ANO1: variants seen among roughly 807,000 people sequenced by gnomAD.
ANO1 encodes the protein anoctamin 1, also known as anoctamin-1.
Under a neutral mutation model 124.0 loss-of-function variants are expected in ANO1, and 59 were observed. That is an observed-to-expected ratio of 0.48 (90% CI 0.39 to 0.59). ANO1 has a LOEUF of 0.59. ANO1 is among the 20% of genes least tolerant of loss of function. The pLI, the probability that ANO1 is intolerant of heterozygous loss-of-function variation, is 0.00. For missense variants in ANO1, 1,059 were observed against 1,328.0 expected, an observed-to-expected ratio of 0.80 and a Z score of 3.15; for synonymous variants, 529 against 532.0, an observed-to-expected ratio of 0.99 and a Z score of 0.08.
chr11:70,006,244 G>T (rs34143969), intron 1 of ANO1, among the ~76,000 whole-genome samples: 34,553 of 152,090 alleles, frequency 0.23, 4,087 homozygotes, highest in Admixed American at 0.26. Context: ...CATCCAATTT[G>T]ATGCTAAAAC....
chr11:70,157,841 G>A (rs577009766), intron 16 of ANO1, among the ~76,000 whole-genome samples: 214 of 152,048 alleles, frequency 1.4e-3, no homozygotes, highest in Non-Finnish European at 2.4e-3. Context: ...ATTAGCTGGC[G>A]TGGTCGTGCG....
chr11:70,068,338 A>G (rs1179232949), intron 1 of ANO1, among the ~76,000 whole-genome samples: 1 of 152,212 alleles, frequency 6.6e-6, no homozygotes, highest in Non-Finnish European at 1.5e-5. Flanking sequence ...GGGTGCTAGA[A>G]TCTGTGGACA....
intron 12 of ANO1, among the ~76,000 whole-genome samples, chr11:70,152,161 C>G (rs1208422438): frequency 3.3e-5 from 5 of 151,900 alleles, no homozygotes; most frequent in African/African-American, 1.2e-4. Flanking sequence ...AGGGTGAAAC[C>G]CTGTCTCTAC....
At chr11:70,123,842 G>A (rs1349487927) in intron 8 of ANO1, among the ~76,000 whole-genome samples, 3 of 152,142 alleles carry the variant, frequency 2.0e-5, no homozygotes, top group Non-Finnish European at 4.4e-5. Context: ...TTCACACAAG[G>A]CTTCCAATCC....
At chr11:70,109,396 T>C (rs7123031) in intron 6 of ANO1, among the ~76,000 whole-genome samples, 21,362 of 152,084 alleles carry the variant, frequency 0.14, 1,644 homozygotes, top group South Asian at 0.24. Context: ...CCAGACCATA[T>C]GGCCTGTGTT....
At chr11:70,187,708 C>G (rs773156196) in intron 25 of ANO1, 30 bp from the exon 26 acceptor site, 1 of 1,589,786 alleles carries the variant, frequency 6.3e-7, no homozygotes, top group South Asian at 1.1e-5. Context: ...CGCCATCCTC[C>G]CTTCTGCCAC....
chr11:70,067,209 G>A (rs1157114579), intron 1 of ANO1, among the ~76,000 whole-genome samples: 1 of 151,992 alleles, frequency 6.6e-6, no homozygotes, highest in Non-Finnish European at 1.5e-5. Flanking sequence ...ACCCCGTGGG[G>A]CTTAACCACC....
chr11:70,168,596 A>C (rs2048341433), intron 21 of ANO1, among the ~76,000 whole-genome samples: 1 of 152,094 alleles, frequency 6.6e-6, no homozygotes, highest in Non-Finnish European at 1.5e-5. Flanking sequence ...TTGCTGACTG[A>C]ATGGATGAAC....
At chr11:70,089,172 G>A (rs915425527) in intron 2 of ANO1, among the ~76,000 whole-genome samples, 7 of 152,128 alleles carry the variant, frequency 4.6e-5, no homozygotes, top group African/African-American at 7.2e-5. Context: ...ATCACTGTGC[G>A]GATTACCCAA....
intron 10 of ANO1, among the ~76,000 whole-genome samples, chr11:70,127,272 G>A (rs572249328): frequency 6.6e-6 from 1 of 152,280 alleles, no homozygotes; most frequent in African/African-American, 2.4e-5. Flanking sequence ...TGGCGCTCGT[G>A]GGCTGTACAG....
chr11:69,986,728 C>G (rs567147424), intron 1 of ANO1, among the ~76,000 whole-genome samples: 2 of 152,128 alleles, frequency 1.3e-5, no homozygotes, highest in South Asian at 2.1e-4. Context: ...ACTTCCTCCC[C>G]CCTGGCTGCA....
chr11:70,132,187 G>A, intron 11 of ANO1, 108 bp downstream of exon 11: 2 of 1,378,350 alleles, frequency 1.5e-6, no homozygotes, highest in Admixed American at 2.4e-5. Flanking sequence ...GGGGTTGTCG[G>A]GAAAAAACAT....
intron 12 of ANO1, 144 bp downstream of exon 12, chr11:70,149,936 C>G (rs540961083): frequency 1.7e-5 from 14 of 817,550 alleles, no homozygotes; most frequent in South Asian, 2.9e-5. Context: ...ATCCCCCACC[C>G]CCTGCCTGCC....
chr11:70,117,100 C>CTTTT (rs756764991), intron 8 of ANO1, among the ~76,000 whole-genome samples: 26 of 61,490 alleles, frequency 4.2e-4, no homozygotes, highest in Middle Eastern at 9.8e-3. Flanking sequence ...TTGTTTCTTT[C>CTTTT]TTTTTTTTTT....
At chr11:70,074,291 G>C (rs1334825475), upstream of ANO1, among the ~76,000 whole-genome samples, 2 of 152,140 alleles carry the variant, frequency 1.3e-5, no homozygotes, top group Non-Finnish European at 2.9e-5. Flanking sequence ...GCAGAGATTT[G>C]TACTGGGCCA....
rs545097972 is a variant in ANO1, at chr11:70,019,860, A to C, written c.58+33694A>C. 1.2e-4 allele frequency among the ~76,000 whole-genome samples: 19 copies of C among 152,316 alleles called. No individual in the cohort carries two copies. The South Asian group carries it at 2.7e-3, about 22-fold the overall frequency. On this transcript the variant is annotated intron_variant, in intron 1 of 27. Transcript: ENST00000531349. Reference sequence around the variant, plus strand: ...ATCACTGAAATGTCCAGTCCCACGCACGTCTTCACTGAAAACCGTCATCTT... The same window carrying C: ...ATCACTGAAATGTCCAGTCCCACGCCCGTCTTCACTGAAAACCGTCATCTT...
intron 1 of ANO1, among the ~76,000 whole-genome samples, chr11:70,068,573 A>G (rs1414989443): frequency 2.0e-5 from 3 of 152,156 alleles, no homozygotes; most frequent in Non-Finnish European, 4.4e-5. Context: ...GTGGTTTCTT[A>G]GCAGAAGGCT....
At chr11:69,984,542 A>G (rs1855993467), upstream of ANO1, among the ~76,000 whole-genome samples, 1 of 152,160 alleles carries the variant, frequency 6.6e-6, no homozygotes, top group Non-Finnish European at 1.5e-5. Context: ...CCGGCAGGAA[A>G]CATGTCTTTG....
chr11:70,072,035 A>G (rs1475614299), intron 1 of ANO1, among the ~76,000 whole-genome samples: 4 of 152,236 alleles, frequency 2.6e-5, no homozygotes, highest in Admixed American at 6.5e-5. Context: ...CGTGGATAGT[A>G]GAATATCTCA....
Sources: allele counts gnomAD v4.1 joint callset (sites outside exome capture counted in the v4.1 genomes callset), GRCh38; gene constraint gnomAD v4.1.1; transcripts MANE v1.5; gene names NCBI Gene and HGNC (gene_info 2026-07-23, HGNC 2026-07-21).